Variants in PCCA observed in about 807,000 individuals in gnomAD.
PCCA encodes the protein propionyl-CoA carboxylase alpha chain, mitochondrial.
PCCA carries 74 observed loss-of-function variants against 101.3 expected under a neutral mutation model. That is an observed-to-expected ratio of 0.73 (90% CI 0.61 to 0.89). The LOEUF is 0.89. Ranked by LOEUF, PCCA falls within the 40% of genes least tolerant of loss-of-function variation. The pLI, the probability that PCCA is intolerant of heterozygous loss-of-function variation, is 0.00. For synonymous variants in PCCA, 294 were observed against 313.6 expected (o/e 0.94, Z 0.66); for missense variants, 891 against 907.0 (o/e 0.98, Z 0.23).
At chr13:100,487,656 C>T (rs1299253595) in intron 21 of PCCA, among the ~76,000 whole-genome samples, 1 of 152,140 alleles carries the variant, frequency 6.6e-6, no homozygotes, top group African/African-American at 2.4e-5. Flanking sequence ...TTTCTTTGGG[C>T]ATGTACTAAG....
At chr13:100,444,161 C>T (rs2080588460) in intron 20 of PCCA, among the ~76,000 whole-genome samples, 1 of 151,932 alleles carries the variant, frequency 6.6e-6, no homozygotes, top group Admixed American at 6.6e-5. Context: ...TCGTGCCATC[C>T]CTTAATCTGA....
intron 4 of PCCA, among the ~76,000 whole-genome samples, chr13:100,127,076 C>G (rs1028299355): frequency 2.0e-5 from 3 of 152,064 alleles, no homozygotes; most frequent in Non-Finnish European, 4.4e-5. Context: ...TTAAGCCACC[C>G]GGAGTTAAAG....
At chr13:100,489,802 T>A (rs897823244) in intron 21 of PCCA, among the ~76,000 whole-genome samples, 3 of 152,124 alleles carry the variant, frequency 2.0e-5, no homozygotes, top group African/African-American at 7.2e-5. Context: ...TAAATGCAGG[T>A]GAACAAGGGA....
chr13:100,206,986 C>T (rs1327402128), intron 6 of PCCA, among the ~76,000 whole-genome samples: 1 of 152,174 alleles, frequency 6.6e-6, no homozygotes, highest in Non-Finnish European at 1.5e-5. Flanking sequence ...CCTCATCAAC[C>T]CTGTATAAAA....
At chr13:100,203,409 G>T (rs1425681585) in intron 6 of PCCA, among the ~76,000 whole-genome samples, 1 of 152,118 alleles carries the variant, frequency 6.6e-6, no homozygotes, top group African/African-American at 2.4e-5. Context: ...TTGTATTGGG[G>T]CCAGGCATGG....
intron 6 of PCCA, chr13:100,161,375 G>C (rs542738426): frequency 6.7e-4 from 102 of 152,236 alleles, no homozygotes; most frequent in African/African-American, 2.2e-3. Context: ...AGATATACTT[G>C]AGAAAATGTT....
intron 5 of PCCA, among the ~76,000 whole-genome samples, chr13:100,155,436 A>G (rs577773231): frequency 4.6e-4 from 70 of 152,232 alleles, no homozygotes; most frequent in Non-Finnish European, 7.8e-4. Flanking sequence ...ATTCTGTGTT[A>G]TAAACAGGAT....
At chr13:100,339,668 A>C (rs967005662) in intron 17 of PCCA, among the ~76,000 whole-genome samples, 1 of 152,172 alleles carries the variant, frequency 6.6e-6, no homozygotes, top group Non-Finnish European at 1.5e-5. Flanking sequence ...GAAGCAGAAG[A>C]ATCACGGCGT....
At chr13:100,372,055 CAG>C (rs2075607217) in intron 19 of PCCA, among the ~76,000 whole-genome samples, 1 of 152,096 alleles carries the variant, frequency 6.6e-6, no homozygotes, top group Non-Finnish European at 1.5e-5. Flanking sequence ...GAAGAAAACA[CAG>C]GGGAAGGCTG....
At position 100,522,166 on chromosome 13, in the gene PCCA, C is replaced by T. The variant is rs79080953; in HGVS notation, c.2041-5509C>T. Among the ~76,000 whole-genome samples, 964 of 152,254 alleles carry T rather than the reference C, an allele frequency of 6.3e-3. 9 individuals carry two copies. The highest frequency in any genetic ancestry group is 9.5e-3 in the Non-Finnish European group (646 of 68,024). On this transcript the variant is annotated intron_variant, in intron 22 of 23. Transcript: ENST00000376285. The stretch of plus-strand genomic sequence containing the variant: ...CAGATGCTGTGCATTAATTGGCCTG[C>T]GTAGAAGTGACCCAGGGTTCCTTGC...
intron 1 of PCCA, among the ~76,000 whole-genome samples, chr13:100,101,863 A>G (rs1566468198): frequency 6.6e-6 from 1 of 152,172 alleles, no homozygotes; most frequent in East Asian, 1.9e-4. Context: ...TTGACCTCCC[A>G]AAGTGCTAGG....
intron 8 of PCCA, among the ~76,000 whole-genome samples, chr13:100,250,305 A>C (rs1262119634): frequency 1.3e-5 from 2 of 152,052 alleles, no homozygotes; most frequent in Non-Finnish European, 2.9e-5. Flanking sequence ...TTCTGCATCT[A>C]TTTATATGAT....
At chr13:100,249,469 G>A (rs2061634747) in intron 8 of PCCA, among the ~76,000 whole-genome samples, 1 of 152,140 alleles carries the variant, frequency 6.6e-6, no homozygotes, top group South Asian at 2.1e-4. Context: ...ATACTGTCTT[G>A]ATGTCTGTAG....
At chr13:100,137,155 GATTTTTCTACTGTCTTTCTGT>G (rs1295410936) in intron 4 of PCCA, among the ~76,000 whole-genome samples, 2 of 151,924 alleles carry the variant, frequency 1.3e-5, no homozygotes, top group African/African-American at 4.8e-5. Context: ...AGCATTTGGA[GATTTTTCTACTGTCTTTCTGT>G]TATTTATTTC....
At chr13:100,142,943 G>A (rs1054125660) in intron 4 of PCCA, among the ~76,000 whole-genome samples, 1 of 152,126 alleles carries the variant, frequency 6.6e-6, no homozygotes, top group Non-Finnish European at 1.5e-5. Flanking sequence ...GTCATTCTTC[G>A]ACTAGTAGGT....
intron 1 of PCCA, among the ~76,000 whole-genome samples, chr13:100,102,239 C>G (rs1299154610): frequency 6.6e-6 from 1 of 151,986 alleles, no homozygotes; most frequent in African/African-American, 2.4e-5. Context: ...CTCTGGGGCT[C>G]AAGTAATACT....
chr13:100,494,613 G>A (rs2085138361), intron 21 of PCCA, among the ~76,000 whole-genome samples: 1 of 151,730 alleles, frequency 6.6e-6, no homozygotes, highest in South Asian at 2.1e-4. Flanking sequence ...AACCCGGGAG[G>A]CGGAGTTTGC....
intron 8 of PCCA, among the ~76,000 whole-genome samples, chr13:100,254,306 C>T (rs903880404): frequency 2.0e-5 from 3 of 152,068 alleles, no homozygotes; most frequent in Admixed American, 1.3e-4. Flanking sequence ...ACAGAGCCAA[C>T]GCTTATCATT....
Position 100,287,415 on chromosome 13 carries a change from T to C in PCCA, c.1066-14045T>C, listed in dbSNP as rs147541218. ...AAATGTTTATAACTTTCCACAGATA[T>C]ATTAATTCCTAAAATATGTTCTTTT... is the stretch of plus-strand genomic sequence containing the variant. On this transcript the variant is annotated intron_variant, in intron 12 of 23. Coordinates refer to ENST00000376285, the MANE Select transcript of PCCA (RefSeq NM_000282.4). Among the ~76,000 whole-genome samples, 42 of 152,260 alleles carry C rather than the reference T, an allele frequency of 2.8e-4. 1 individual carries two copies. In the East Asian group the frequency reaches 8.1e-3, roughly 29 times the overall value.
Sources: gnomAD v4.1 joint callset for allele counts (sites outside exome capture counted in the v4.1 genomes callset) on GRCh38, gnomAD v4.1.1 for gene constraint, MANE v1.5 for transcripts, NCBI Gene and HGNC (gene_info 2026-07-23, HGNC 2026-07-21) for gene names.